The following SERINC5 variants were observed in gnomAD, a reference collection of about 807,000 sequenced individuals.
SERINC5 encodes the protein chromosome 5 open reading frame 12.
Under a neutral mutation model 63.1 loss-of-function variants are expected in SERINC5, and 41 were observed. That is an observed-to-expected ratio of 0.65 (90% confidence interval 0.51 to 0.84). The LOEUF is 0.84. SERINC5 is among the 40% of genes least tolerant of loss of function. SERINC5 has a pLI of 0.00. For missense variants in SERINC5, 523 were observed against 573.0 expected, an observed-to-expected ratio of 0.91 and a Z score of 0.89; for synonymous variants, 222 against 215.2, an observed-to-expected ratio of 1.03 and a Z score of -0.28.
At chr5:80,182,602 G>A (rs938415007) in intron 2 of SERINC5, among the ~76,000 whole-genome samples, 1 of 147,284 alleles carries the variant, frequency 6.8e-6, no homozygotes, top group East Asian at 2.1e-4. Flanking sequence ...CTGGAGTGCA[G>A]TGGCGCAATC....
chr5:80,232,847 C>T (rs1751512612), intron 1 of SERINC5, among the ~76,000 whole-genome samples: 1 of 151,914 alleles, frequency 6.6e-6, no homozygotes, highest in Non-Finnish European at 1.5e-5. Context: ...ACCTTGAGAA[C>T]ATACTAAGTT....
At chr5:80,241,361 C>T (rs191659145) in intron 1 of SERINC5, among the ~76,000 whole-genome samples, 38 of 152,058 alleles carry the variant, frequency 2.5e-4, no homozygotes, top group African/African-American at 8.2e-4. Flanking sequence ...CCCAGCTACT[C>T]GGGAGGCTGA....
chr5:80,255,148 T>C (rs1422626923), intron 1 of SERINC5: 1 of 152,230 alleles, frequency 6.6e-6, no homozygotes, highest in Non-Finnish European at 1.5e-5. Context: ...GACGTACTAA[T>C]TCTACACTGA....
chr5:80,134,362 T>C (rs1302677709), downstream of SERINC5, among the ~76,000 whole-genome samples: 1 of 152,150 alleles, frequency 6.6e-6, no homozygotes, highest in Non-Finnish European at 1.5e-5. Flanking sequence ...GGCGTGCACC[T>C]GTAGTCCCAG....
intron 11 of SERINC5, among the ~76,000 whole-genome samples, chr5:80,144,468 A>T (rs947168979): frequency 2.0e-5 from 3 of 152,242 alleles, no homozygotes; most frequent in African/African-American, 4.8e-5. Context: ...TCAAACCAGC[A>T]ATGTAAGAGG....
intron 4 of SERINC5, among the ~76,000 whole-genome samples, chr5:80,176,000 G>A (rs1748008551): frequency 6.6e-6 from 1 of 151,708 alleles, no homozygotes; most frequent in Admixed American, 6.6e-5. Context: ...CCAATATGGT[G>A]AAACCCCGTC....
At chr5:80,133,369 G>A (rs955203254) in intron 11 of SERINC5, among the ~76,000 whole-genome samples, 2 of 152,144 alleles carry the variant, frequency 1.3e-5, no homozygotes, top group African/African-American at 4.8e-5. Context: ...GAGAAAAGGG[G>A]GCCTGAGTTA....
At chr5:80,198,133 C>T (rs1056789527) in intron 2 of SERINC5, among the ~76,000 whole-genome samples, 92 of 152,222 alleles carry the variant, frequency 6.0e-4, no homozygotes, top group South Asian at 2.1e-4. Context: ...CCACCACACC[C>T]GGCCTCTAAA....
rs1286873296 is a variant in SERINC5 at position 80,139,382 on chromosome 5, A to G, written c.*4281T>C. 3.0e-6 allele frequency: 3 copies of G among 985,000 alleles called. No individual in the cohort carries two copies. The highest frequency in any genetic ancestry group is 3.5e-5 in the African/African-American group (2 of 57,210). 61.0% of individuals were successfully genotyped at this position (985,000 alleles called of 1,614,324 possible). On this transcript the variant is annotated 3_prime_UTR_variant, in exon 12 of 12. Coordinates refer to ENST00000507668, the MANE Select transcript of SERINC5 (RefSeq NM_001174072.3). ...CCAGGATCCTTTATCCCAAAGGATT[A>G]CCTTAAAGAGTTCTTCCATCATTTT...
intron 5 of SERINC5, among the ~76,000 whole-genome samples, chr5:80,171,475 G>A (rs965008989): frequency 6.6e-6 from 1 of 152,118 alleles, no homozygotes; most frequent in African/African-American, 2.4e-5. Context: ...ACCTGTAACT[G>A]TGCTGCTTCT....
In SERINC5 at chr5:80,255,971, G is replaced by T. The variant is rs1398309258; in HGVS notation, c.-49C>A. 2.0e-6 allele frequency: 3 copies of T among 1,486,956 alleles called. No homozygotes were observed. Among genetic ancestry groups the T allele is most frequent in the Non-Finnish European group, 1.8e-6 (2 of 1,125,376 alleles). 92.1% of individuals were successfully genotyped at this position (1,486,956 alleles called of 1,614,324 possible). On this transcript the variant is annotated 5_prime_UTR_variant, in exon 1 of 12. Coordinates refer to ENST00000507668, the MANE Select transcript of SERINC5 (RefSeq NM_001174072.3). ...CGCTCGCTGGCTCCCCGCGCCGCAC[G>T]GGCCCTCCTGGCTGCCTCGCGCCTC... is the stretch of plus-strand genomic sequence containing the variant.
At chr5:80,124,332 G>A (rs2112240591) in intron 11 of SERINC5, among the ~76,000 whole-genome samples, 1 of 152,312 alleles carries the variant, frequency 6.6e-6, no homozygotes, top group South Asian at 2.1e-4. Context: ...CAGTCTCAGG[G>A]CACGCCCAAA....
In SERINC5 at chr5:80,146,555, C is replaced by T. The variant is rs542171455; in HGVS notation, c.1094-321G>A. Among the ~76,000 whole-genome samples, 14 of 152,250 alleles carry T rather than the reference C, an allele frequency of 9.2e-5. No homozygotes were observed. In the East Asian group the frequency reaches 9.6e-4, roughly 10 times the overall value. ...GCAACCTCCACCTCCCAGGTTCAAG[C>T]GATTCTCCTGCCTCAGCCTCCCAAG... On this transcript the variant is annotated intron_variant, in intron 10 of 11. Coordinates refer to ENST00000507668, the MANE Select transcript of SERINC5 (RefSeq NM_001174072.3).
intron 5 of SERINC5, among the ~76,000 whole-genome samples, chr5:80,170,047 T>A (rs1206137140): frequency 6.6e-6 from 1 of 152,120 alleles, no homozygotes; most frequent in Non-Finnish European, 1.5e-5. Flanking sequence ...AAACGTGACA[T>A]TCCCCTGAGA....
downstream of SERINC5, among the ~76,000 whole-genome samples, chr5:80,134,346 C>T (rs1331811245): frequency 3.3e-5 from 5 of 152,114 alleles, no homozygotes; most frequent in Middle Eastern, 3.4e-3. Flanking sequence ...ATTAGTCTGG[C>T]GTGGTGGCGT....
In SERINC5 at chr5:80,141,730, G is replaced by C; in HGVS notation, c.*1933C>G. On this transcript the variant is annotated 3_prime_UTR_variant, in exon 12 of 12. Transcript: ENST00000507668. ...GTCCCCTAACTGATTCCTCAGGTTA[G>C]AACACGGCTTTTCATTTTGCGACTC... The C allele has an allele frequency of 1.0e-6, 1 of 985,346 alleles. No homozygotes were observed. Among genetic ancestry groups the C allele is most frequent in the Non-Finnish European group, 1.2e-6 (1 of 829,984 alleles). The allele number at this position is 985,346 out of a possible 1,614,324, so 61.0% of individuals were successfully genotyped here.
intron 11 of SERINC5, among the ~76,000 whole-genome samples, chr5:80,130,625 C>T (rs530416900): frequency 4.7e-4 from 71 of 152,296 alleles, no homozygotes; most frequent in African/African-American, 1.6e-3. Flanking sequence ...GGATATCATC[C>T]ACTATCTACC....
chr5:80,237,119 G>A lies in SERINC5; in HGVS notation c.27+18777C>T, dbSNP rs142335995. 6.7e-3 allele frequency among the ~76,000 whole-genome samples: 1,022 copies of A among 151,428 alleles called. 5 individuals are homozygous for A. Among genetic ancestry groups the A allele is most frequent in the Middle Eastern group, 0.027 (8 of 294 alleles). On this transcript the variant is annotated intron_variant, in intron 1 of 11. Transcript: ENST00000507668. ...TGGGATTACAGGCATGAGCCACTGC[G>A]CCCGGCCCCAGTGTTTCTTTTCTGG... is the stretch of plus-strand genomic sequence containing the variant.
downstream of SERINC5, among the ~76,000 whole-genome samples, chr5:80,135,818 C>T (rs1359020976): frequency 6.8e-6 from 1 of 146,200 alleles, no homozygotes; most frequent in African/African-American, 2.6e-5. Flanking sequence ...CTAGATAGCA[C>T]AATCAAAAAT....
Sources: gnomAD v4.1 joint callset for allele counts (sites outside exome capture counted in the v4.1 genomes callset) on GRCh38, gnomAD v4.1.1 for gene constraint, MANE v1.5 for transcripts, NCBI Gene and HGNC (gene_info 2026-07-23, HGNC 2026-07-21) for gene names.